Variants in FRMD1 observed in about 807,000 individuals in gnomAD.
FRMD1 encodes FERM domain containing 1.
Under a neutral mutation model 54.9 loss-of-function variants are expected in FRMD1, and 51 were observed. The observed-to-expected ratio is 0.93, with a 90% CI of 0.74 to 1.17. The LOEUF (loss-of-function observed/expected upper bound fraction) is 1.17. Ranked by LOEUF, FRMD1 falls within the 50% of genes most tolerant of loss-of-function variation. The probability of loss-of-function intolerance (pLI) is 0.00; values close to 1 mark genes in which losing one functional copy is unlikely to be tolerated. For missense variants in FRMD1, 729 were observed against 743.0 expected (o/e 0.98, Z 0.22); for synonymous variants, 324 against 306.4 (o/e 1.06, Z -0.60).
Position 168,067,472 on chromosome 6 carries a change from C to T in FRMD1, c.305-26G>A, listed in dbSNP as rs763993873. On this transcript the variant is annotated intron_variant, in intron 2 of 10. Transcript: ENST00000283309. ...CTGAAAGCAAAACAAAAGGCTTCAT[C>T]AGAGCAGTCACCATGCTTCTCAGGT... 7.7e-6 allele frequency: 11 copies of T among 1,433,662 alleles called. No homozygotes were observed. In the South Asian group the frequency reaches 8.3e-5, roughly 11 times the overall value. 88.8% of individuals were successfully genotyped at this position (1,433,662 alleles called of 1,614,324 possible). A position where few individuals can be genotyped will look rare whatever the true frequency, so the allele number is the denominator to read the frequency against.
intron 2 of FRMD1, among the ~76,000 whole-genome samples, chr6:168,072,613 G>A (rs893876678): frequency 5.3e-5 from 8 of 152,240 alleles, no homozygotes; most frequent in African/African-American, 1.9e-4. Flanking sequence ...AACGTCCGGC[G>A]GTGATGAACA....
intron 5 of FRMD1, 93 bp from the exon 6 acceptor site, chr6:168,063,849 C>G (rs1223983094): frequency 2.8e-6 from 4 of 1,421,268 alleles, no homozygotes; most frequent in African/African-American, 1.5e-5. Flanking sequence ...CCCAGACTCC[C>G]ACAGCTGGTG....
intron 1 of FRMD1, among the ~76,000 whole-genome samples, chr6:168,077,383 GGTTCCTGTCT>G: frequency 7.6e-6 from 1 of 131,210 alleles, no homozygotes; most frequent in African/African-American, 2.6e-5. Context: ...CCTGTGGGGG[GGTTCCTGTCT>G]AACTGCAGAC....
In FRMD1 at chr6:168,064,902, T is replaced by C; in HGVS notation, c.617A>G (p.Tyr206Cys). The C allele has an allele frequency of 6.3e-7, 1 of 1,588,712 alleles. No individual in the cohort carries two copies. Among genetic ancestry groups the C allele is most frequent in the Non-Finnish European group, 8.6e-7 (1 of 1,168,272 alleles). The change falls in exon 5 of 11, where the codon TAC (tyrosine) becomes TGC (cysteine). Residue 206 changes from tyrosine to cysteine, a missense_variant. Transcript: ENST00000283309. The stretch of plus-strand genomic sequence containing the variant: ...TGGGAAGTAGGAGTGTGGCTCGAAG[T>C]ACCTCCCGGCATGGGCCGACTCCCG... Reference protein sequence around the residue: ...EHRESAHAGRYFEPHSYFPQW... With the variant: ...EHRESAHAGRCFEPHSYFPQW...
At chr6:168,083,318 C>T (rs973842697), upstream of FRMD1, among the ~76,000 whole-genome samples, 2 of 152,170 alleles carry the variant, frequency 1.3e-5, no homozygotes, top group African/African-American at 2.4e-5. Flanking sequence ...ACAGGATGGG[C>T]GCTGGAAAGG....
chr6:168,078,292 G>A lies in FRMD1; in HGVS notation c.213+590C>T, dbSNP rs982137542. On this transcript the variant is annotated intron_variant, in intron 1 of 10. Coordinates refer to ENST00000283309, the MANE Select transcript of FRMD1 (RefSeq NM_024919.6). The stretch of plus-strand genomic sequence containing the variant: ...GACGTCTGAACACAAGACAGGAGCT[G>A]CTCCTTGGAAACCGGCTTCCTGGCG... Among the ~76,000 whole-genome samples, 4 of 152,224 alleles carry A rather than the reference G, an allele frequency of 2.6e-5. No homozygotes were observed. The East Asian group carries it at 5.8e-4, about 22-fold the overall frequency.
chr6:168,070,066 A>T (rs898845187), intron 2 of FRMD1, among the ~76,000 whole-genome samples: 1 of 152,146 alleles, frequency 6.6e-6, no homozygotes, highest in African/African-American at 2.4e-5. Flanking sequence ...CCACAAAAAA[A>T]TACAAAAGGT....
chr6:168,066,568 A>T, intron 4 of FRMD1, 187 bp downstream of exon 4: 1 of 1,407,068 alleles, frequency 7.1e-7, no homozygotes, highest in Non-Finnish European at 9.2e-7. Context: ...CACAGTCTGT[A>T]TACCTTTCGA....
upstream of FRMD1, among the ~76,000 whole-genome samples, chr6:168,082,928 C>T (rs1339548236): frequency 1.3e-5 from 2 of 152,170 alleles, no homozygotes; most frequent in East Asian, 1.9e-4. Flanking sequence ...CCAGGCACTG[C>T]AGGGTCCAGG....
intron 1 of FRMD1, among the ~76,000 whole-genome samples, chr6:168,076,863 G>T (rs545736397): frequency 6.6e-6 from 1 of 152,194 alleles, no homozygotes; most frequent in Non-Finnish European, 1.5e-5. Context: ...TTGAATACAG[G>T]GTTCCTGTCT....
At chr6:168,070,921 C>G (rs1346562998) in intron 2 of FRMD1, among the ~76,000 whole-genome samples, 1 of 152,196 alleles carries the variant, frequency 6.6e-6, no homozygotes, top group African/African-American at 2.4e-5. Flanking sequence ...CTACATGCAC[C>G]CTCTAGAGCC....
upstream of FRMD1, among the ~76,000 whole-genome samples, chr6:168,079,474 A>T (rs1291517615): frequency 6.6e-6 from 1 of 152,102 alleles, no homozygotes; most frequent in East Asian, 1.9e-4. Context: ...TTCTTCTATA[A>T]TGTGGAGAGG....
chr6:168,079,371 A>G (rs566813144), upstream of FRMD1, among the ~76,000 whole-genome samples: 5 of 152,346 alleles, frequency 3.3e-5, no homozygotes, highest in Non-Finnish European at 7.4e-5. Flanking sequence ...CTCAGCAGCC[A>G]GCCTCGGTGT....
At chr6:168,092,468 A>G (rs373354501) in intron 1 of FRMD1, among the ~76,000 whole-genome samples, 3 of 152,016 alleles carry the variant, frequency 2.0e-5, no homozygotes, top group East Asian at 3.9e-4. Flanking sequence ...AGTGCCCTGT[A>G]TAAGAGAGAC....
Position 168,067,376 on chromosome 6 carries a change from T to G in FRMD1, c.375A>C (p.Glu125Asp). The change falls in exon 3 of 11, where the codon GAA (glutamate) becomes GAC (aspartate). Residue 125 changes from glutamate to aspartate, a missense_variant. Glu to Asp is a conservative substitution (Grantham distance 45). Coordinates refer to ENST00000283309, the MANE Select transcript of FRMD1 (RefSeq NM_024919.6). ...SKYFSKDWKKERNEGNEKPRA... is the reference protein window; with the variant it reads ...SKYFSKDWKKDRNEGNEKPRA... The stretch of plus-strand genomic sequence containing the variant: ...GACACTCTACACTTACTTCATTTCT[T>G]TCTTTCTTCCAATCTTTTGAGAAGT... 1.3e-6 allele frequency: 2 copies of G among 1,599,236 alleles called. No individual in the cohort carries two copies. The highest frequency in any genetic ancestry group is 1.7e-6 in the Non-Finnish European group (2 of 1,171,218).
Position 168,059,110 on chromosome 6 carries a change from G to T in FRMD1, c.1407+14C>A, listed in dbSNP as rs1465182. The T allele has an allele frequency of 0.56, 868,666 of 1,549,962 alleles. 247,670 individuals carry two copies. Among genetic ancestry groups the T allele is most frequent in the South Asian group, 0.65 (54,998 of 85,176 alleles). Reference sequence around the variant, plus strand: ...AGCAGGGCCAGGGCTTCTGGCCCGTGGGGGGGACTCTACCTGGTGCACGGC... The same window carrying T: ...AGCAGGGCCAGGGCTTCTGGCCCGTTGGGGGGACTCTACCTGGTGCACGGC... On this transcript the variant is annotated intron_variant, in intron 10 of 10. Transcript: ENST00000283309. The surrounding 1 kb of genome is among the most constrained non-coding windows in gnomAD (Gnocchi z 4.4).
intron 2 of FRMD1, among the ~76,000 whole-genome samples, chr6:168,071,484 G>A (rs1343674590): frequency 1.3e-5 from 2 of 152,150 alleles, no homozygotes; most frequent in Admixed American, 6.5e-5. Context: ...GTGCCAAACC[G>A]CAGCGCCAGG....
intron 1 of FRMD1, among the ~76,000 whole-genome samples, chr6:168,089,323 G>A (rs540482347): frequency 3.3e-5 from 5 of 152,320 alleles, no homozygotes; most frequent in Admixed American, 1.3e-4. Context: ...GCCTCACAGT[G>A]GTTTTTAGAG....
intron 2 of FRMD1, among the ~76,000 whole-genome samples, chr6:168,070,633 C>T (rs1240498441): frequency 6.6e-6 from 1 of 152,184 alleles, no homozygotes; most frequent in African/African-American, 2.4e-5. Context: ...TCATATGAGC[C>T]AGTTCTTTAC....
Sources: gnomAD v4.1 joint callset for allele counts (sites outside exome capture counted in the v4.1 genomes callset) on GRCh38, gnomAD v4.1.1 for gene constraint, Gnocchi (gnomAD v3.1) non-coding constraint, MANE v1.5 for transcripts, NCBI Gene and HGNC (gene_info 2026-07-23, HGNC 2026-07-21) for gene names.